The following CSNK2A1 variants were observed in gnomAD, a reference collection of about 807,000 sequenced individuals.
CSNK2A1 encodes the protein casein kinase II subunit alpha.
In CSNK2A1, 10 loss-of-function variants were observed where a neutral mutation model predicts 62.9. The observed-to-expected ratio is 0.16, with a 90% CI of 0.10 to 0.27. CSNK2A1 has a LOEUF of 0.27. Ranked by LOEUF, CSNK2A1 falls within the 10% of genes least tolerant of loss-of-function variation. The pLI, the probability that CSNK2A1 is intolerant of heterozygous loss-of-function variation, is 1.00. For synonymous variants in CSNK2A1, 124 were observed against 167.8 expected, an observed-to-expected ratio of 0.74 and a Z score of 2.02; for missense variants, 160 against 492.0, an observed-to-expected ratio of 0.33 and a Z score of 6.38.
intron 3 of CSNK2A1, chr20:507,485 G>A (rs1341954273): frequency 6.6e-6 from 1 of 152,178 alleles, no homozygotes; most frequent in East Asian, 1.9e-4. Context: ...ACAATTAAAT[G>A]TCTACCACAT....
intron 9 of CSNK2A1, among the ~76,000 whole-genome samples, chr20:491,858 A>G (rs2018242123): frequency 6.6e-6 from 1 of 152,054 alleles, no homozygotes; most frequent in Non-Finnish European, 1.5e-5. Flanking sequence ...TGGGAGGCGG[A>G]GCTTGCAGTG....
chr20:524,162 G>A (rs1457201551), intron 2 of CSNK2A1, among the ~76,000 whole-genome samples: 1 of 151,560 alleles, frequency 6.6e-6, no homozygotes, highest in Non-Finnish European at 1.5e-5. Flanking sequence ...AGCTGCTCAC[G>A]CCTGTAATCC....
At chr20:495,632 C>A in intron 8 of CSNK2A1, 87 bp downstream of exon 8, 1 of 1,134,892 alleles carries the variant, frequency 8.8e-7, no homozygotes. Flanking sequence ...GTACTAGGGC[C>A]TGTGACAACA....
intron 1 of CSNK2A1, among the ~76,000 whole-genome samples, chr20:532,502 A>G (rs2019234808): frequency 6.6e-6 from 1 of 151,984 alleles, no homozygotes; most frequent in Non-Finnish European, 1.5e-5. Flanking sequence ...ACAGAAAATA[A>G]TATTTGTATG....
At chr20:486,285 G>A in intron 13 of CSNK2A1, 91 bp downstream of exon 13, 1 of 1,464,760 alleles carries the variant, frequency 6.8e-7, no homozygotes, top group Non-Finnish European at 9.4e-7. Flanking sequence ...CCAGTACGGA[G>A]AAGAGAAGGT....
chr20:485,284 A>C (rs2018073687), intron 13 of CSNK2A1, among the ~76,000 whole-genome samples: 1 of 150,664 alleles, frequency 6.6e-6, no homozygotes, highest in South Asian at 2.1e-4. Flanking sequence ...CCCAAGTTCA[A>C]GCGATTATCT....
intron 11 of CSNK2A1, 22 bp downstream of exon 11, chr20:488,656 C>A: frequency 6.2e-7 from 1 of 1,608,376 alleles, no homozygotes; most frequent in Admixed American, 1.7e-5. Context: ...CACAGATGCA[C>A]ATATTTTGTT....
In CSNK2A1 at chr20:487,444, A is replaced by G; in HGVS notation, c.956T>C (p.Met319Thr). Reference sequence around the variant, plus strand: ...GGACTCACAGAAATAGGGGTGCTCCATTGCCTCTCTTGCAGTAAGCCGTGA... The same window carrying G: ...GGACTCACAGAAATAGGGGTGCTCCGTTGCCTCTCTTGCAGTAAGCCGTGA... ...HQSRLTAREA[M>T]EHPYFYTVVK... Residue 319 changes from methionine (M) to threonine (T), a missense_variant, in exon 12 of 14, where the codon ATG becomes ACG. Transcript: ENST00000217244. The G allele has an allele frequency of 2.5e-6, 4 of 1,614,054 alleles. No individual in the cohort carries two copies. Among genetic ancestry groups the G allele is most frequent in the Non-Finnish European group, 3.4e-6 (4 of 1,180,034 alleles).
intron 2 of CSNK2A1, among the ~76,000 whole-genome samples, chr20:521,992 C>T (rs2018958891): frequency 1.3e-5 from 2 of 152,218 alleles, no homozygotes; most frequent in South Asian, 4.1e-4. Context: ...TGGGCCTGTA[C>T]CAGTTCATGG....
At chr20:524,136 C>T (rs1411441072) in intron 2 of CSNK2A1, among the ~76,000 whole-genome samples, 2 of 151,296 alleles carry the variant, frequency 1.3e-5, no homozygotes, top group East Asian at 2.0e-4. Context: ...AAAAGAGATA[C>T]ATCTAGGCCG....
chr20:504,903 T>C (rs2018543864), intron 4 of CSNK2A1: 2 of 490,670 alleles, frequency 4.1e-6, no homozygotes, highest in African/African-American at 4.0e-5. Context: ...TGCCACAACC[T>C]AGCTATATGA....
At chr20:536,147 T>C (rs1282321665) in intron 1 of CSNK2A1, among the ~76,000 whole-genome samples, 1 of 152,142 alleles carries the variant, frequency 6.6e-6, no homozygotes, top group African/African-American at 2.4e-5. Context: ...GTGACTTACA[T>C]ACTGATCCAC....
At position 525,007 on chromosome 20, in the gene CSNK2A1, A is replaced by G. The variant is rs754251950; in HGVS notation, c.-110+2926T>C. On this transcript the variant is annotated intron_variant, in intron 2 of 13. Coordinates refer to ENST00000217244, the MANE Select transcript of CSNK2A1 (RefSeq NM_177559.3). ...GCATGCACCTGTGTCCTAGCTACTCAGAAGGCTGAAGTGATCATGTGAACC... is the reference window on the plus strand; with the variant it reads ...GCATGCACCTGTGTCCTAGCTACTCGGAAGGCTGAAGTGATCATGTGAACC... Among the ~76,000 whole-genome samples, 119 of 152,198 alleles carry G rather than the reference A, an allele frequency of 7.8e-4. 1 individual carries two copies. Among genetic ancestry groups the G allele is most frequent in the Non-Finnish European group, 1.5e-3 (104 of 68,010 alleles).
At position 482,648 on chromosome 20, in the gene CSNK2A1, G is replaced by C. The variant is rs2017976819; in HGVS notation, c.*1313C>G. The C allele has an allele frequency of 6.6e-6, 1 of 152,542 alleles. No homozygotes were observed. Among genetic ancestry groups the C allele is most frequent in the Non-Finnish European group, 1.5e-5 (1 of 68,050 alleles). 9.4% of individuals were successfully genotyped at this position (152,542 alleles called of 1,614,324 possible). A position where few individuals can be genotyped will look rare whatever the true frequency, so the allele number is the denominator to read the frequency against. On this transcript the variant is annotated 3_prime_UTR_variant, in exon 14 of 14. Transcript: ENST00000217244. ...GCAGGCCCCTCAGATGTGAACATGAGACACCCACCCAGCAAGACCTTTACA... is the reference window on the plus strand; with the variant it reads ...GCAGGCCCCTCAGATGTGAACATGACACACCCACCCAGCAAGACCTTTACA...
intron 1 of CSNK2A1, among the ~76,000 whole-genome samples, chr20:535,034 CAAAAAAAAAAAAAAAAAAAA>C (rs11469217): frequency 2.0e-5 from 1 of 50,756 alleles, no homozygotes; most frequent in Non-Finnish European, 3.3e-5. Flanking sequence ...TGCTATCTCC[CAAAAAAAAAAAAAAAAAAAA>C]AAAAAAAAAA....
intron 2 of CSNK2A1, among the ~76,000 whole-genome samples, chr20:526,344 C>T (rs530434934): frequency 2.0e-5 from 3 of 152,126 alleles, no homozygotes; most frequent in African/African-American, 7.2e-5. Flanking sequence ...GGCATGGTGG[C>T]TCATGACTGT....
intron 1 of CSNK2A1, among the ~76,000 whole-genome samples, chr20:535,967 G>T (rs1167659774): frequency 6.6e-6 from 1 of 152,148 alleles, no homozygotes; most frequent in Non-Finnish European, 1.5e-5. Context: ...ACCACTGGGA[G>T]TAAGACCTCT....
At chr20:503,995 T>C (rs986935623) in intron 4 of CSNK2A1, among the ~76,000 whole-genome samples, 3 of 152,108 alleles carry the variant, frequency 2.0e-5, no homozygotes, top group African/African-American at 7.2e-5. Flanking sequence ...CTGACCAATA[T>C]GGTGAAACCC....
At chr20:485,109 A>ATAATAATAATATAT (rs1366439608) in intron 13 of CSNK2A1, among the ~76,000 whole-genome samples, 1 of 24,666 alleles carries the variant, frequency 4.1e-5, no homozygotes, top group Admixed American at 8.0e-4. Flanking sequence ...AAAAAAAAAA[A>ATAATAATAATATAT]ATATATATAT....
Sources: allele counts gnomAD v4.1 joint callset (sites outside exome capture counted in the v4.1 genomes callset), GRCh38; gene constraint gnomAD v4.1.1; transcripts MANE v1.5; gene names NCBI Gene and HGNC (gene_info 2026-07-23, HGNC 2026-07-21).